The following MYB variants were observed in gnomAD, a reference collection of about 807,000 sequenced individuals.
MYB encodes the protein MYB proto-oncogene, transcription factor, also known as transcriptional activator Myb.
MYB carries 28 observed loss-of-function variants against 92.9 expected under a neutral mutation model. The observed-to-expected ratio is 0.30, with a 90% CI of 0.22 to 0.41. The LOEUF (loss-of-function observed/expected upper bound fraction) is 0.41. Among genes scored for constraint, MYB ranks in the 10% least tolerant of loss-of-function variants. MYB has a pLI of 1.00. For missense variants in MYB, 679 were observed against 929.3 expected, an observed-to-expected ratio of 0.73 and a Z score of 3.50; for synonymous variants, 295 against 329.1, an observed-to-expected ratio of 0.90 and a Z score of 1.12.
rs926192245 is a variant in MYB, at chr6:135,212,086, AT to A, written c.2170-5769del. On this transcript the variant is annotated intron_variant, in intron 15 of 15. Coordinates refer to ENST00000341911, the MANE Select transcript of MYB (RefSeq NM_001130173.2). ...TTTAGAATTTTAGTCCAGAGGAAGT[AT>A]TTTTTTTTCAGATAGGTGAAATAGA... 4.0e-5 allele frequency among the ~76,000 whole-genome samples: 6 copies of A among 150,798 alleles called. No individual in the cohort carries two copies. The East Asian group carries it at 5.8e-4, about 15-fold the overall frequency.
chr6:135,205,719 A>G (rs1025299490), intron 15 of MYB, among the ~76,000 whole-genome samples: 1 of 152,208 alleles, frequency 6.6e-6, no homozygotes, highest in Non-Finnish European at 1.5e-5. Context: ...TTTAGAGTCA[A>G]TACTCCTGTC....
chr6:135,186,113 A>T (rs1171491205), intron 2 of MYB, 93 bp downstream of exon 2: 2 of 991,700 alleles, frequency 2.0e-6, no homozygotes, highest in Admixed American at 4.1e-5. Flanking sequence ...GCTCAAGCTC[A>T]TTAGCAGGCT....
intron 15 of MYB, among the ~76,000 whole-genome samples, chr6:135,214,307 T>C (rs1780138653): frequency 6.6e-6 from 1 of 151,728 alleles, no homozygotes; most frequent in African/African-American, 2.4e-5. Context: ...GAAAATTCTA[T>C]ATTGATTGAA....
intron 15 of MYB, among the ~76,000 whole-genome samples, chr6:135,208,877 T>C (rs951713127): frequency 6.6e-6 from 1 of 152,192 alleles, no homozygotes; most frequent in Admixed American, 6.5e-5. Context: ...ATTGAAACAA[T>C]TTCACACATT....
Position 135,189,902 on chromosome 6 carries a change from G to A in MYB, c.306+19G>A. 3 of 1,589,942 alleles carry A rather than the reference G, an allele frequency of 1.9e-6. No individual in the cohort carries two copies. The highest frequency in any genetic ancestry group is 2.6e-6 in the Non-Finnish European group (3 of 1,161,352). ...TCAGAGAGTAAGTTCTTTCTTCATT[G>A]GTGTGTGACTCATAATTAAGAATAT... is the stretch of plus-strand genomic sequence containing the variant. On this transcript the variant is annotated intron_variant, in intron 4 of 15. Coordinates refer to ENST00000341911, the MANE Select transcript of MYB (RefSeq NM_001130173.2).
intron 2 of MYB, 109 bp downstream of exon 2, chr6:135,186,129 A>C (rs1775873964): frequency 1.2e-6 from 1 of 854,438 alleles, no homozygotes; most frequent in Non-Finnish European, 1.9e-6. Flanking sequence ...AGGCTCCTTG[A>C]GATCTTATCC....
intron 15 of MYB, among the ~76,000 whole-genome samples, chr6:135,204,678 C>G (rs1212241127): frequency 6.6e-6 from 1 of 152,188 alleles, no homozygotes; most frequent in African/African-American, 2.4e-5. Context: ...CCTTCCTGGC[C>G]TCTCTCTGAC....
At chr6:135,209,706 ATTG>A (rs1779457702) in intron 15 of MYB, among the ~76,000 whole-genome samples, 1 of 152,188 alleles carries the variant, frequency 6.6e-6, no homozygotes, top group African/African-American at 2.4e-5. Context: ...TAATCTTATA[ATTG>A]TTATGTTTCT....
intron 15 of MYB, among the ~76,000 whole-genome samples, chr6:135,204,119 T>A (rs1778522117): frequency 6.6e-6 from 1 of 152,212 alleles, no homozygotes; most frequent in Admixed American, 6.5e-5. Flanking sequence ...ATTCAGAAGC[T>A]GAAGGTCATA....
At chr6:135,196,607 C>T (rs1023932537) in intron 9 of MYB, 2 of 605,506 alleles carry the variant, frequency 3.3e-6, no homozygotes, top group Non-Finnish European at 5.2e-6. Flanking sequence ...TCAGCGAACA[C>T]TTGGTTCCTT....
At position 135,203,247 on chromosome 6, in the gene MYB, C is replaced by A; in HGVS notation, c.2092C>A (p.Pro698Thr). ...TCTTACAAGCTCCGTTTTAATGGCACCAGCATCAGAAGATGAAGACAATGT... is the reference window on the plus strand; with the variant it reads ...TCTTACAAGCTCCGTTTTAATGGCAACAGCATCAGAAGATGAAGACAATGT... ...NILTSSVLMA[P>T]ASEDEDNVLK... Residue 698 changes from proline (P) to threonine (T), a missense_variant, in exon 15 of 16, where the codon CCA (proline) becomes ACA (threonine). Physicochemically the swap from Pro to Thr is conservative, Grantham distance 38. Coordinates refer to ENST00000341911, the MANE Select transcript of MYB (RefSeq NM_001130173.2). 12 of 1,609,760 alleles carry A rather than the reference C, an allele frequency of 7.5e-6. No individual in the cohort carries two copies. The highest frequency in any genetic ancestry group is 1.0e-5 in the Non-Finnish European group (12 of 1,176,446).
Position 135,190,102 on chromosome 6 carries a change from G to T in MYB, c.307-25G>T, listed in dbSNP as rs1200602437. ...CTCATTACATAACTTTAAAACATAG[G>T]TTATTTTTGTGTGTTTATCTGAAGG... On this transcript the variant is annotated intron_variant, in intron 4 of 15. Transcript: ENST00000341911. The surrounding 1 kb of genome is among the most constrained non-coding windows in gnomAD (Gnocchi z 4.5). 6.2e-7 allele frequency: 1 copy of T among 1,603,848 alleles called. No individual in the cohort carries two copies. The highest frequency in any genetic ancestry group is 8.5e-7 in the Non-Finnish European group (1 of 1,171,398).
chr6:135,188,694 G>T (rs1776263732), intron 3 of MYB, among the ~76,000 whole-genome samples: 1 of 151,830 alleles, frequency 6.6e-6, no homozygotes, highest in South Asian at 2.1e-4. Flanking sequence ...ATTTTTAGTA[G>T]AGACAAGGTT....
At chr6:135,186,922 T>G (rs1292671617) in intron 2 of MYB, among the ~76,000 whole-genome samples, 1 of 152,238 alleles carries the variant, frequency 6.6e-6, no homozygotes, top group Non-Finnish European at 1.5e-5. Context: ...CTGCTTCATT[T>G]AAACCAGAGC....
chr6:135,197,087 G>A lies in MYB; in HGVS notation c.1330G>A (p.Ala444Thr), dbSNP rs753228270. 6.2e-7 allele frequency: 1 copy of A among 1,614,054 alleles called. No homozygotes were observed. Among genetic ancestry groups the A allele is most frequent in the Non-Finnish European group, 8.5e-7 (1 of 1,179,908 alleles). ...QQREGNGTKP[A>T]GEPSPRVNKR... ...AAGAGAGGGCAATGGGACTAAACCTGCAGGAGAACCTAGCCCAAGGGTGAA... is the reference window on the plus strand; with the variant it reads ...AAGAGAGGGCAATGGGACTAAACCTACAGGAGAACCTAGCCCAAGGGTGAA... Residue 444 changes from alanine (A) to threonine (T), a missense_variant, in exon 10 of 16, where the codon GCA becomes ACA. Transcript: ENST00000341911.
At chr6:135,196,040 A>C in intron 9 of MYB, 38 bp downstream of exon 9, 1 of 1,590,298 alleles carries the variant, frequency 6.3e-7, no homozygotes, top group Non-Finnish European at 8.6e-7. Flanking sequence ...CGATTCTGGA[A>C]GATAAATTAG....
At chr6:135,214,839 C>A (rs989165049) in intron 15 of MYB, among the ~76,000 whole-genome samples, 1 of 152,204 alleles carries the variant, frequency 6.6e-6, no homozygotes, top group Non-Finnish European at 1.5e-5. Flanking sequence ...CACCTGCATG[C>A]TTGAGGCTAG....
At chr6:135,192,253 T>G in intron 5 of MYB, 71 bp from the exon 6 acceptor site, 1 of 1,277,268 alleles carries the variant, frequency 7.8e-7, no homozygotes, top group Non-Finnish European at 1.1e-6. Context: ...TAGAAACAGT[T>G]TTCTGTCAAT....
chr6:135,186,150 G>A, intron 2 of MYB, 130 bp downstream of exon 2: 3 of 691,776 alleles, frequency 4.3e-6, no homozygotes, highest in Non-Finnish European at 7.4e-6. Context: ...TAGCCCGCAT[G>A]TGCAGCGTGC....
Sources: allele counts gnomAD v4.1 joint callset (sites outside exome capture counted in the v4.1 genomes callset), GRCh38; gene constraint gnomAD v4.1.1; non-coding constraint Gnocchi (gnomAD v3.1); transcripts MANE v1.5; gene names NCBI Gene and HGNC (gene_info 2026-07-23, HGNC 2026-07-21).